Variants in CREBBP observed in about 807,000 individuals in gnomAD.
CREBBP encodes the protein CREB binding lysine acetyltransferase.
Under a neutral mutation model 265.0 loss-of-function variants are expected in CREBBP, and 19 were observed. The ratio of observed to expected loss-of-function variants is 0.07; its 90% CI spans 0.05 to 0.11. CREBBP has a LOEUF of 0.11. CREBBP is among the 10% of genes least tolerant of loss of function. The pLI is 1.00. For missense variants in CREBBP, 2,525 were observed against 3,219.0 expected, an observed-to-expected ratio of 0.78 and a Z score of 5.22; for synonymous variants, 1,457 against 1,223.7, an observed-to-expected ratio of 1.19 and a Z score of -3.98.
At chr16:3,865,932 G>T (rs563879154) in intron 1 of CREBBP, among the ~76,000 whole-genome samples, 2 of 152,124 alleles carry the variant, frequency 1.3e-5, no homozygotes, top group Non-Finnish European at 2.9e-5. Flanking sequence ...CACCGCGCCC[G>T]GCCAAGAAAC....
At chr16:3,757,705 A>G in intron 18 of CREBBP, 104 bp downstream of exon 18, 4 of 1,494,790 alleles carry the variant, frequency 2.7e-6, no homozygotes, top group Non-Finnish European at 2.8e-6. Context: ...AGCAGATTGC[A>G]CATATGCACT....
At chr16:3,745,422 C>G (rs1004284377) in intron 21 of CREBBP, 68 bp from the exon 22 acceptor site, 3 of 1,421,858 alleles carry the variant, frequency 2.1e-6, no homozygotes, top group South Asian at 2.4e-5. Context: ...TTGTAGAAGT[C>G]TGTGTGTGCG....
intron 3 of CREBBP, among the ~76,000 whole-genome samples, chr16:3,807,669 G>A (rs1448981693): frequency 2.6e-5 from 4 of 152,138 alleles, no homozygotes; most frequent in Non-Finnish European, 5.9e-5. Flanking sequence ...ACATAGCTTT[G>A]AACAACCCAA....
chr16:3,756,536 G>C (rs181478530), intron 19 of CREBBP, among the ~76,000 whole-genome samples: 4 of 152,290 alleles, frequency 2.6e-5, no homozygotes, highest in Admixed American at 2.0e-4. Context: ...TTCTTAAGCA[G>C]ATCCACCACT....
chr16:3,761,821 AAGC>A (rs1015834112), intron 16 of CREBBP, among the ~76,000 whole-genome samples: 2 of 152,236 alleles, frequency 1.3e-5, no homozygotes, highest in Non-Finnish European at 2.9e-5. Context: ...TGCACAGACG[AAGC>A]AGCATTTGCT....
At chr16:3,739,822 G>A (rs1209184827) in intron 24 of CREBBP, 98 bp from the exon 25 acceptor site, 13 of 1,555,366 alleles carry the variant, frequency 8.4e-6, no homozygotes, top group Non-Finnish European at 1.1e-5. Context: ...CACTGCAGAT[G>A]AGCGGAGGCA....
intron 23 of CREBBP, chr16:3,742,680 T>C (rs1035338032): frequency 6.6e-6 from 1 of 152,188 alleles, no homozygotes; most frequent in East Asian, 1.9e-4. Flanking sequence ...ATATGGTGTA[T>C]GCGAAGGAGA....
intron 3 of CREBBP, among the ~76,000 whole-genome samples, chr16:3,796,496 C>A (rs1054890067): frequency 6.6e-6 from 1 of 152,014 alleles, no homozygotes; most frequent in African/African-American, 2.4e-5. Flanking sequence ...AAGCGATTCT[C>A]CTGCCTCAGC....
chr16:3,748,602 G>A (rs985232549), intron 21 of CREBBP, among the ~76,000 whole-genome samples: 5 of 152,228 alleles, frequency 3.3e-5, no homozygotes, highest in Non-Finnish European at 7.3e-5. Context: ...AGGATAGGGA[G>A]AGCAGGGTCT....
chr16:3,755,071 T>C (rs1031470888), intron 19 of CREBBP, among the ~76,000 whole-genome samples: 1 of 152,240 alleles, frequency 6.6e-6, no homozygotes, highest in African/African-American at 2.4e-5. Context: ...ACTAATAAAA[T>C]GGAACTCCTT....
At chr16:3,733,567 CATT>C (rs1243499242) in intron 28 of CREBBP, among the ~76,000 whole-genome samples, 1 of 152,122 alleles carries the variant, frequency 6.6e-6, no homozygotes. Flanking sequence ...TAAGGTAAGA[CATT>C]AGTAACAGGA....
At chr16:3,762,810 T>C (rs2052754260) in intron 16 of CREBBP, among the ~76,000 whole-genome samples, 1 of 150,872 alleles carries the variant, frequency 6.6e-6, no homozygotes, top group Non-Finnish European at 1.5e-5. Context: ...AGTCTTGCTC[T>C]GTCGCCCAGG....
At chr16:3,775,104 G>C (rs879666997) in intron 11 of CREBBP, among the ~76,000 whole-genome samples, 4 of 152,172 alleles carry the variant, frequency 2.6e-5, no homozygotes, top group Admixed American at 2.6e-4. Context: ...TGTTTCCAGA[G>C]ACCAGGGCAA....
chr16:3,760,402 T>TG (rs1435826286), intron 16 of CREBBP, among the ~76,000 whole-genome samples: 10 of 114,472 alleles, frequency 8.7e-5, no homozygotes, highest in Non-Finnish European at 1.5e-4. Flanking sequence ...TTTTTTTTTT[T>TG]TTTTTTTTTT....
At position 3,769,237 on chromosome 16, in the gene CREBBP, C is replaced by T. The variant is rs764868565; in HGVS notation, c.2997G>A (p.Thr999=). 4.3e-6 allele frequency: 7 copies of T among 1,613,976 alleles called. No homozygotes were observed. The highest frequency in any genetic ancestry group is 1.3e-5 in the African/African-American group (1 of 74,894). Reference sequence around the variant, plus strand: ...GCTCAGTGTCCTCTGCTTGGGTCTCCGTCTTCATTTCCAGCACAGGTACGT... The same window carrying T: ...GCTCAGTGTCCTCTGCTTGGGTCTCTGTCTTCATTTCCAGCACAGGTACGT... ...GPDVPVLEMK[T]ETQAEDTEPD... is the part of the protein sequence containing the mutation. The change falls in exon 15 of 31, where the codon ACG becomes ACA. Residue 999 remains threonine (T), a synonymous_variant. Coordinates refer to ENST00000262367, the MANE Select transcript of CREBBP (RefSeq NM_004380.3).
chr16:3,814,573 A>C (rs991915222), intron 2 of CREBBP, among the ~76,000 whole-genome samples: 2 of 152,106 alleles, frequency 1.3e-5, no homozygotes, highest in African/African-American at 4.8e-5. Flanking sequence ...GGTCAATTTC[A>C]AAGGGTAACC....
chr16:3,764,808 C>T (rs1019043749), intron 16 of CREBBP, among the ~76,000 whole-genome samples: 4 of 152,158 alleles, frequency 2.6e-5, no homozygotes, highest in Non-Finnish European at 4.4e-5. Flanking sequence ...GTCTTGAACT[C>T]CTGGCTTCAA....
chr16:3,832,861 T>C (rs2054370318), intron 2 of CREBBP, among the ~76,000 whole-genome samples: 1 of 151,810 alleles, frequency 6.6e-6, no homozygotes, highest in Non-Finnish European at 1.5e-5. Context: ...CAAGGCTGGT[T>C]CAACACTCAG....
At chr16:3,767,624 A>G (rs1284609152) in intron 16 of CREBBP, 96 bp downstream of exon 16, 1 of 1,529,968 alleles carries the variant, frequency 6.5e-7, no homozygotes, top group Non-Finnish European at 9.0e-7. Flanking sequence ...GGGCAGATAG[A>G]ATTATGTTTC....
Sources: gnomAD v4.1 joint callset for allele counts (sites outside exome capture counted in the v4.1 genomes callset) on GRCh38, gnomAD v4.1.1 for gene constraint, MANE v1.5 for transcripts, NCBI Gene and HGNC (gene_info 2026-07-23, HGNC 2026-07-21) for gene names.